The following C1orf159 variants were observed in gnomAD, a reference collection of about 807,000 sequenced individuals.
C1orf159 encodes the protein chromosome 1 open reading frame 159, also known as uncharacterized protein C1orf159.
In C1orf159, 19 loss-of-function variants were observed where a neutral mutation model predicts 25.6. The observed-to-expected ratio is 0.74, with a 90% CI of 0.52 to 1.09. C1orf159 has a LOEUF of 1.09. Ranked by LOEUF, C1orf159 falls within the 50% of genes least tolerant of loss-of-function variation. C1orf159 has a pLI of 0.00. For missense variants in C1orf159, 274 were observed against 290.6 expected (o/e 0.94, Z 0.42); for synonymous variants, 139 against 124.7 (o/e 1.12, Z -0.77).
rs1485607454 is a variant in C1orf159, at chr1:1,084,412, G to A, written c.472-29C>T. ...GAAAAGGAGAGAAAGGCAGAGTGAGGACTCGGGATGGCCTGGCACAGGCAC... is the reference window on the plus strand; with the variant it reads ...GAAAAGGAGAGAAAGGCAGAGTGAGAACTCGGGATGGCCTGGCACAGGCAC... On this transcript the variant is annotated intron_variant, in intron 8 of 9. Transcript: ENST00000421241. The A allele has an allele frequency of 3.2e-6, 5 of 1,581,452 alleles. No individual in the cohort carries two copies. The South Asian group carries it at 5.6e-5, about 18-fold the overall frequency.
chr1:1,112,728 A>G (rs571857449), intron 1 of C1orf159, among the ~76,000 whole-genome samples: 2 of 152,268 alleles, frequency 1.3e-5, no homozygotes, highest in Non-Finnish European at 1.5e-5. Context: ...CTGAAGAAGG[A>G]TCAGGGGAGA....
Position 1,082,826 on chromosome 1 carries a change from G to C in C1orf159, c.*67C>G. On this transcript the variant is annotated 3_prime_UTR_variant, in exon 10 of 10. Coordinates refer to ENST00000421241, the MANE Select transcript of C1orf159 (RefSeq NM_017891.5). ...CGGGCGATGCCAACACTTTGTGCTG[G>C]TTCCCGCCAAGGGGTCGGCCTCCGG... is the stretch of plus-strand genomic sequence containing the variant. The C allele has an allele frequency of 7.1e-7, 1 of 1,403,084 alleles. No homozygotes were observed. The highest frequency in any genetic ancestry group is 9.9e-7 in the Non-Finnish European group (1 of 1,012,992). 86.9% of individuals were successfully genotyped at this position (1,403,084 alleles called of 1,614,324 possible). A position where few individuals can be genotyped will look rare whatever the true frequency, so the allele number is the denominator to read the frequency against.
intron 1 of C1orf159, among the ~76,000 whole-genome samples, chr1:1,102,814 TA>T (rs1646121505): frequency 6.6e-6 from 1 of 151,190 alleles, no homozygotes; most frequent in Non-Finnish European, 1.5e-5. Context: ...ATAAATAAAA[TA>T]AAATTTCAGA....
intron 7 of C1orf159, chr1:1,085,261 G>C (rs762195510): frequency 1.4e-5 from 6 of 436,220 alleles, no homozygotes; most frequent in Non-Finnish European, 2.8e-5. Context: ...CTTGGGGTCC[G>C]AACTGCTGGC....
intron 9 of C1orf159, chr1:1,083,955 G>A: frequency 6.2e-7 from 1 of 1,602,162 alleles, no homozygotes; most frequent in South Asian, 1.1e-5. Flanking sequence ...CACCACTGAA[G>A]CGATGGCTGC....
At chr1:1,094,593 G>A (rs1317281929) in intron 1 of C1orf159, among the ~76,000 whole-genome samples, 1 of 152,030 alleles carries the variant, frequency 6.6e-6, no homozygotes, top group African/African-American at 2.4e-5. Flanking sequence ...GTAGAGACGG[G>A]GTTGCACCAT....
chr1:1,092,240 G>A (rs906397032), intron 1 of C1orf159, 137 bp from the exon 2 acceptor site: 15 of 272,776 alleles, frequency 5.5e-5, no homozygotes, highest in Admixed American at 5.0e-4. Context: ...CGAGCAGGGC[G>A]TCCTGGAGGG....
rs181980197 is a variant in C1orf159 at position 1,091,819 on chromosome 1, G to T, written c.-23+172C>A. 384 of 515,904 alleles carry T rather than the reference G, an allele frequency of 7.4e-4. 1 individual carries two copies. The highest frequency in any genetic ancestry group is 7.0e-3 in the African/African-American group (358 of 51,422). The allele number at this position is 515,904 out of a possible 1,614,324, so 32.0% of individuals were successfully genotyped here. A position where few individuals can be genotyped will look rare whatever the true frequency, so the allele number is the denominator to read the frequency against. On this transcript the variant is annotated intron_variant, in intron 2 of 9. Coordinates refer to ENST00000421241, the MANE Select transcript of C1orf159 (RefSeq NM_017891.5). ...AGGGAGGGTGGGGCCAAATGGAGAT[G>T]GGGTGGGGCGGGGCCGCGGCAGATG...
chr1:1,097,455 TG>T (rs1397370962), intron 1 of C1orf159, among the ~76,000 whole-genome samples: 1 of 151,166 alleles, frequency 6.6e-6, no homozygotes, highest in Non-Finnish European at 1.5e-5. Context: ...CTCTGTCGCC[TG>T]GGCTGGAGTG....
intron 9 of C1orf159, 188 bp from the exon 10 acceptor site, chr1:1,083,175 A>ATGTGTAT: frequency 1.8e-6 from 1 of 555,634 alleles, no homozygotes; most frequent in South Asian, 2.3e-5. Context: ...CCAGCTCGGG[A>ATGTGTAT]AAGGGACGGC....
chr1:1,114,495 G>C (rs1253810915), intron 1 of C1orf159, among the ~76,000 whole-genome samples: 1 of 152,230 alleles, frequency 6.6e-6, no homozygotes, highest in African/African-American at 2.4e-5. Context: ...GCAAGGCAGG[G>C]AGCAGCTGGG....
chr1:1,110,295 G>C lies in C1orf159; in HGVS notation c.-136+5765C>G, dbSNP rs979694991. 6.6e-6 allele frequency among the ~76,000 whole-genome samples: 1 copy of C among 152,182 alleles called. No homozygotes were observed. The highest frequency in any genetic ancestry group is 1.5e-5 in the Non-Finnish European group (1 of 68,038). On this transcript the variant is annotated intron_variant, in intron 1 of 9. Transcript: ENST00000421241. The surrounding 1 kb of genome is among the most constrained non-coding windows in gnomAD (Gnocchi z 4.8). ...TTTAAGGTTTCTCTGGGGTCCCCTTGACCAAGAGGGAGCTCGTTCAGTCGG... is the reference window on the plus strand; with the variant it reads ...TTTAAGGTTTCTCTGGGGTCCCCTTCACCAAGAGGGAGCTCGTTCAGTCGG...
chr1:1,090,705 G>A (rs763530271), intron 3 of C1orf159: 68 of 730,770 alleles, frequency 9.3e-5, no homozygotes, highest in Non-Finnish European at 9.4e-5. Context: ...GGCGGCACCC[G>A]CAGGCCATGG....
At chr1:1,100,344 A>G (rs1367172485) in intron 1 of C1orf159, among the ~76,000 whole-genome samples, 4 of 151,852 alleles carry the variant, frequency 2.6e-5, no homozygotes, top group African/African-American at 9.7e-5. Flanking sequence ...CCCTTTGTAT[A>G]CACACGCTGC....
rs1395729730 is a variant in C1orf159, at chr1:1,108,230, CTCAGCAGCACCGTT to C, written c.-136+7816_-136+7829del. The stretch of plus-strand genomic sequence containing the variant: ...GCACCGTTCACCACAGCCACCATGT[CTCAGCAGCACCGTT>C]CACCACAGCCACCATGTCTCAGCAG... On this transcript the variant is annotated intron_variant, in intron 1 of 9. Transcript: ENST00000421241. Among the ~76,000 whole-genome samples the C allele has an allele frequency of 1.4e-4, 17 of 118,060 alleles. 2 individuals are homozygous for C. The highest frequency in any genetic ancestry group is 5.6e-4 in the African/African-American group (13 of 23,076). The allele number at this position is 118,060 out of a possible 152,430, so 77.5% of individuals were successfully genotyped here. A position where few individuals can be genotyped will look rare whatever the true frequency, so the allele number is the denominator to read the frequency against.
rs1645848309 is a variant in C1orf159 at position 1,087,365 on chromosome 1, G to T, written c.244+137C>A. On this transcript the variant is annotated intron_variant, in intron 5 of 9. Transcript: ENST00000421241. This position sits in a 1 kb window ranked among gnomAD's most constrained non-coding sequence, Gnocchi z 8.3. Reference sequence around the variant, plus strand: ...TGTCCCGAATGGCCCAGCAGACTCGGGAAGAGGGGGCTCCCGGGGCTGTTC... The same window carrying T: ...TGTCCCGAATGGCCCAGCAGACTCGTGAAGAGGGGGCTCCCGGGGCTGTTC... The T allele has an allele frequency of 8.6e-7, 1 of 1,165,602 alleles. No individual in the cohort carries two copies. Among genetic ancestry groups the T allele is most frequent in the Admixed American group, 2.6e-5 (1 of 38,778 alleles). 72.2% of individuals were successfully genotyped at this position (1,165,602 alleles called of 1,614,324 possible). A position where few individuals can be genotyped will look rare whatever the true frequency, so the allele number is the denominator to read the frequency against.
intron 1 of C1orf159, among the ~76,000 whole-genome samples, chr1:1,101,897 CCCCG>C (rs1646105028): frequency 6.6e-6 from 1 of 151,762 alleles, no homozygotes; most frequent in South Asian, 2.1e-4. Context: ...CATGGAGAAA[CCCCG>C]TATCTACTAA....
At chr1:1,091,639 A>T in intron 2 of C1orf159, 74 bp from the exon 3 acceptor site, 2 of 822,048 alleles carry the variant, frequency 2.4e-6, no homozygotes, top group South Asian at 1.5e-5. Context: ...GCCAAATGAA[A>T]GTGGGGTCAA....
chr1:1,090,798 C>A (rs1197339739), intron 3 of C1orf159: 48 of 1,230,040 alleles, frequency 3.9e-5, no homozygotes, highest in Non-Finnish European at 5.5e-5. Flanking sequence ...AGTGCCCGGG[C>A]CTGGCTGGCA....
Sources: gnomAD v4.1 joint callset for allele counts (sites outside exome capture counted in the v4.1 genomes callset) on GRCh38, gnomAD v4.1.1 for gene constraint, Gnocchi (gnomAD v3.1) non-coding constraint, MANE v1.5 for transcripts, NCBI Gene and HGNC (gene_info 2026-07-23, HGNC 2026-07-21) for gene names.